Variants in FGF12 observed in about 807,000 individuals in gnomAD.
FGF12 encodes fibroblast growth factor 12.
In FGF12, 14 loss-of-function variants were observed where a neutral mutation model predicts 23.6. The observed-to-expected ratio is 0.59, with a 90% confidence interval of 0.39 to 0.93. The LOEUF (loss-of-function observed/expected upper bound fraction) is 0.93, where lower values mean the gene tolerates loss of function less well. FGF12 is among the 40% of genes least tolerant of loss of function. The probability of loss-of-function intolerance (pLI) is 0.00; values close to 1 mark genes in which losing one functional copy is unlikely to be tolerated. For missense variants in FGF12, 175 were observed against 217.8 expected, an observed-to-expected ratio of 0.80 and a Z score of 1.24; for synonymous variants, 62 against 77.3, an observed-to-expected ratio of 0.80 and a Z score of 1.04.
intron 3 of FGF12, among the ~76,000 whole-genome samples, chr3:192,359,478 G>C (rs557147240): frequency 1.7e-4 from 26 of 152,246 alleles, no homozygotes; most frequent in Non-Finnish European, 3.2e-4. Flanking sequence ...AGCATTTATT[G>C]TGTGCTCAAC....
At chr3:192,488,693 C>G (rs1560126768) in intron 2 of FGF12, among the ~76,000 whole-genome samples, 2 of 152,040 alleles carry the variant, frequency 1.3e-5, no homozygotes, top group African/African-American at 4.8e-5. Context: ...CCTCGTCTTG[C>G]TGCTTGCAGG....
chr3:192,483,133 T>C (rs1470659001), intron 2 of FGF12, among the ~76,000 whole-genome samples: 1 of 152,216 alleles, frequency 6.6e-6, no homozygotes, highest in East Asian at 1.9e-4. Flanking sequence ...GCACCCCTTA[T>C]GTTAGCCACT....
chr3:192,316,547 G>A (rs1227494646), intron 4 of FGF12, among the ~76,000 whole-genome samples: 1 of 152,194 alleles, frequency 6.6e-6, no homozygotes, highest in East Asian at 1.9e-4. Context: ...ACTTGCCGGT[G>A]CCCAGATAGG....
At chr3:192,586,452 T>C (rs1577066727) in intron 2 of FGF12, among the ~76,000 whole-genome samples, 3 of 152,150 alleles carry the variant, frequency 2.0e-5, no homozygotes, top group Admixed American at 2.0e-4. Context: ...TGAAAGAATG[T>C]AAATAAAGAA....
intron 2 of FGF12, among the ~76,000 whole-genome samples, chr3:192,582,265 T>C (rs1239827253): frequency 6.6e-6 from 1 of 152,214 alleles, no homozygotes; most frequent in African/African-American, 2.4e-5. Context: ...ACTGTTAACA[T>C]AAAAAATTTA....
chr3:192,319,199 A>G (rs1716398859), intron 4 of FGF12, among the ~76,000 whole-genome samples: 1 of 152,240 alleles, frequency 6.6e-6, no homozygotes, highest in South Asian at 2.1e-4. Flanking sequence ...ATTCACTGGT[A>G]ATAGTAAACA....
intron 4 of FGF12, among the ~76,000 whole-genome samples, chr3:192,275,807 G>A (rs572025644): frequency 1.3e-5 from 2 of 152,212 alleles, no homozygotes; most frequent in East Asian, 3.9e-4. Flanking sequence ...TTGTTCTCCA[G>A]GAAATTATGA....
intron 2 of FGF12, among the ~76,000 whole-genome samples, chr3:192,649,818 C>T (rs1194067604): frequency 6.6e-6 from 1 of 152,062 alleles, no homozygotes; most frequent in East Asian, 1.9e-4. Flanking sequence ...ACCCCTTCCT[C>T]CCAAAGTGCT....
chr3:192,672,839 T>C (rs534328429), intron 2 of FGF12: 4 of 151,034 alleles, frequency 2.6e-5, no homozygotes, highest in South Asian at 2.1e-4. Context: ...GCCTTATCTC[T>C]CCTGTTCAAC....
chr3:192,378,421 A>G (rs1421852580), intron 2 of FGF12, among the ~76,000 whole-genome samples: 1 of 142,306 alleles, frequency 7.0e-6, no homozygotes, highest in East Asian at 1.9e-4. Flanking sequence ...TCCTCTAACT[A>G]TTAAAATAGC....
intron 3 of FGF12, among the ~76,000 whole-genome samples, chr3:192,345,871 A>C (rs566512854): frequency 3.3e-5 from 5 of 152,304 alleles, no homozygotes; most frequent in African/African-American, 1.2e-4. Context: ...ATAAAATTAC[A>C]CACAGGCAAC....
At chr3:192,282,727 A>G (rs924638745) in intron 4 of FGF12, 1 of 151,430 alleles carries the variant, frequency 6.6e-6, no homozygotes, top group African/African-American at 2.4e-5. Context: ...TGTAACACAT[A>G]TAACAATATG....
intron 4 of FGF12, among the ~76,000 whole-genome samples, chr3:192,254,600 T>C (rs1053173068): frequency 6.6e-6 from 1 of 152,072 alleles, no homozygotes; most frequent in African/African-American, 2.4e-5. Context: ...TTGAATGTGA[T>C]ACTGGACTAC....
At chr3:192,548,257 C>A (rs1036224048) in intron 2 of FGF12, among the ~76,000 whole-genome samples, 2 of 152,058 alleles carry the variant, frequency 1.3e-5, no homozygotes, top group Non-Finnish European at 2.9e-5. Context: ...TAACATTAAG[C>A]AACTTAAAGT....
intron 5 of FGF12, among the ~76,000 whole-genome samples, chr3:192,163,462 C>T (rs59252893): frequency 0.066 from 10,055 of 152,146 alleles, 405 homozygotes; most frequent in African/African-American, 0.096. Flanking sequence ...ACATTAGATT[C>T]AGTCCAATAT....
At chr3:192,430,400 T>G (rs547494889) in intron 2 of FGF12, among the ~76,000 whole-genome samples, 1 of 152,192 alleles carries the variant, frequency 6.6e-6, no homozygotes, top group East Asian at 1.9e-4. Flanking sequence ...TGGGTATAGT[T>G]TCGGTTCTGC....
intron 2 of FGF12, among the ~76,000 whole-genome samples, chr3:192,508,488 A>G (rs531115691): frequency 3.9e-5 from 6 of 152,232 alleles, no homozygotes; most frequent in Admixed American, 6.5e-5. Context: ...ATGTCTCTTT[A>G]TAACTCTGGT....
At chr3:192,492,408 G>GT (rs987660827) in intron 2 of FGF12, among the ~76,000 whole-genome samples, 5 of 151,918 alleles carry the variant, frequency 3.3e-5, no homozygotes, top group African/African-American at 9.7e-5. Context: ...AGGGATTGAT[G>GT]TTTTTTTCTC....
intron 2 of FGF12, among the ~76,000 whole-genome samples, chr3:192,663,618 C>A (rs1228283200): frequency 6.6e-6 from 1 of 152,142 alleles, no homozygotes. Context: ...GCTCTCATGT[C>A]AGAGAAGTCA....
Sources: gnomAD v4.1 joint callset for allele counts (sites outside exome capture counted in the v4.1 genomes callset) on GRCh38, gnomAD v4.1.1 for gene constraint, MANE v1.5 for transcripts, NCBI Gene and HGNC (gene_info 2026-07-23, HGNC 2026-07-21) for gene names.